The following TCERG1L variants were observed in gnomAD, a reference collection of about 807,000 sequenced individuals.
TCERG1L encodes transcription elongation regulator 1 like.
Under a neutral mutation model 56.3 loss-of-function variants are expected in TCERG1L, and 37 were observed. The observed-to-expected ratio is 0.66, with a 90% CI of 0.51 to 0.87. The LOEUF is 0.87. TCERG1L is among the 40% of genes least tolerant of loss of function. The pLI, the probability that TCERG1L is intolerant of heterozygous loss-of-function variation, is 0.00. For synonymous variants in TCERG1L, 324 were observed against 326.3 expected (o/e 0.99, Z 0.08); for missense variants, 799 against 774.2 (o/e 1.03, Z -0.38).
intron 4 of TCERG1L, among the ~76,000 whole-genome samples, chr10:131,207,933 T>C (rs1166231813): frequency 1.3e-5 from 2 of 152,068 alleles, no homozygotes; most frequent in Non-Finnish European, 2.9e-5. Flanking sequence ...TCCAGGCGGC[T>C]TCAGGGAGGC....
intron 7 of TCERG1L, among the ~76,000 whole-genome samples, chr10:131,146,228 A>G (rs750432644): frequency 6.6e-6 from 1 of 152,230 alleles, no homozygotes; most frequent in Non-Finnish European, 1.5e-5. Flanking sequence ...GTGATGCTGG[A>G]TGGAAGCTTT....
intron 7 of TCERG1L, 23 bp from the exon 8 acceptor site, chr10:131,134,471 G>T: frequency 6.4e-7 from 1 of 1,572,298 alleles, no homozygotes; most frequent in Non-Finnish European, 8.6e-7. Flanking sequence ...CAGATGAACA[G>T]GGTTAGAGTT....
intron 4 of TCERG1L, among the ~76,000 whole-genome samples, chr10:131,195,166 G>A (rs1845345261): frequency 6.6e-6 from 1 of 152,188 alleles, no homozygotes; most frequent in Non-Finnish European, 1.5e-5. Flanking sequence ...CTCATACTTT[G>A]ATAAGAAATG....
At chr10:131,173,294 T>A (rs1414222362) in intron 4 of TCERG1L, among the ~76,000 whole-genome samples, 1 of 152,140 alleles carries the variant, frequency 6.6e-6, no homozygotes, top group Non-Finnish European at 1.5e-5. Flanking sequence ...ATTTAACAAC[T>A]GAGAAAAGCA....
At chr10:131,306,389 T>C (rs1381354368) in intron 3 of TCERG1L, among the ~76,000 whole-genome samples, 1 of 151,474 alleles carries the variant, frequency 6.6e-6, no homozygotes, top group East Asian at 1.9e-4. Context: ...ATTAAAATTG[T>C]AGGTGTTATA....
chr10:131,156,371 C>T (rs1193049431), intron 6 of TCERG1L: 6 of 151,970 alleles, frequency 3.9e-5, no homozygotes, highest in Non-Finnish European at 8.8e-5. Context: ...AAAGATGTTA[C>T]CCACGGGTAC....
At chr10:131,172,143 G>A (rs969992635) in intron 4 of TCERG1L, among the ~76,000 whole-genome samples, 2 of 152,186 alleles carry the variant, frequency 1.3e-5, no homozygotes, top group Non-Finnish European at 2.9e-5. Context: ...ATCTGGAAGC[G>A]TGTGGAGTAA....
rs564980044 is a variant in TCERG1L at position 131,204,147 on chromosome 10, G to T, written c.857-37262C>A. Among the ~76,000 whole-genome samples the T allele has an allele frequency of 5.6e-4, 86 of 152,360 alleles. 2 individuals are homozygous for T. The South Asian group carries it at 0.017, about 30-fold the overall frequency. ...GACACAGCAAGGAGGCGCCATCTTGGAAGCCTGGTGGCTTAGCACTGGGCC... is the reference window on the plus strand; with the variant it reads ...GACACAGCAAGGAGGCGCCATCTTGTAAGCCTGGTGGCTTAGCACTGGGCC... On this transcript the variant is annotated intron_variant, in intron 4 of 11. Coordinates refer to ENST00000368642, the MANE Select transcript of TCERG1L (RefSeq NM_174937.4).
intron 10 of TCERG1L, 44 bp downstream of exon 10, chr10:131,104,221 T>A: frequency 7.4e-7 from 1 of 1,350,198 alleles, no homozygotes; most frequent in East Asian, 2.5e-5. Context: ...ACAGTCGCTT[T>A]CATGCCATGT....
intron 3 of TCERG1L, among the ~76,000 whole-genome samples, chr10:131,280,740 G>A (rs1270482186): frequency 6.6e-6 from 1 of 152,054 alleles, no homozygotes; most frequent in Non-Finnish European, 1.5e-5. Context: ...TGTTCTCTGT[G>A]GTTGTGCTTC....
At chr10:131,109,770 C>T (rs1845392413) in intron 9 of TCERG1L, among the ~76,000 whole-genome samples, 1 of 152,176 alleles carries the variant, frequency 6.6e-6, no homozygotes, top group Non-Finnish European at 1.5e-5. Flanking sequence ...CTGGGCACGC[C>T]GGCTGGAGCT....
At chr10:131,227,101 C>A (rs1845798567) in intron 4 of TCERG1L, among the ~76,000 whole-genome samples, 1 of 152,224 alleles carries the variant, frequency 6.6e-6, no homozygotes, top group South Asian at 2.1e-4. Flanking sequence ...GAGAGCGGCA[C>A]CCCATTCAGA....
chr10:131,267,279 G>A lies in TCERG1L; in HGVS notation c.671-6835C>T, dbSNP rs557404601. Among the ~76,000 whole-genome samples, 1 of 152,294 alleles carries A rather than the reference G, an allele frequency of 6.6e-6. No homozygotes were observed. Among genetic ancestry groups the A allele is most frequent in the Non-Finnish European group, 1.5e-5 (1 of 68,024 alleles). Reference sequence around the variant, plus strand: ...GCCCTGAGTGTGCACACACCTGGCTGGACTGCAACAGCACCCAGGCTTGGC... The same window carrying A: ...GCCCTGAGTGTGCACACACCTGGCTAGACTGCAACAGCACCCAGGCTTGGC... On this transcript the variant is annotated intron_variant, in intron 3 of 11. Coordinates refer to ENST00000368642, the MANE Select transcript of TCERG1L (RefSeq NM_174937.4). This position sits in a 1 kb window ranked among gnomAD's most constrained non-coding sequence, Gnocchi z 4.9.
intron 4 of TCERG1L, among the ~76,000 whole-genome samples, chr10:131,177,944 T>C (rs1845125490): frequency 6.6e-6 from 1 of 151,848 alleles, no homozygotes; most frequent in South Asian, 2.1e-4. Flanking sequence ...GTTTCAAGTC[T>C]GTTTCCACTT....
intron 9 of TCERG1L, among the ~76,000 whole-genome samples, chr10:131,107,137 C>A (rs959047501): frequency 1.3e-5 from 2 of 152,080 alleles, no homozygotes; most frequent in Non-Finnish European, 1.5e-5. Context: ...GACTAGTGCA[C>A]CTGCCCCCGG....
At chr10:131,170,515 G>A (rs1219433279) in intron 4 of TCERG1L, among the ~76,000 whole-genome samples, 1 of 151,856 alleles carries the variant, frequency 6.6e-6, no homozygotes, top group African/African-American at 2.4e-5. Context: ...GATGTGAAGT[G>A]CTCCCCAGCT....
At chr10:131,115,628 C>T (rs962030259) in intron 9 of TCERG1L, among the ~76,000 whole-genome samples, 1 of 131,714 alleles carries the variant, frequency 7.6e-6, no homozygotes, top group Non-Finnish European at 1.7e-5. Flanking sequence ...TTCCCTGAGG[C>T]CCAGGGCTGT....
At chr10:131,211,426 C>A (rs916609711) in intron 4 of TCERG1L, among the ~76,000 whole-genome samples, 7 of 152,310 alleles carry the variant, frequency 4.6e-5, no homozygotes, top group Admixed American at 2.0e-4. Flanking sequence ...ACTACAACCC[C>A]TTTCCCGGTG....
intron 4 of TCERG1L, among the ~76,000 whole-genome samples, chr10:131,190,110 G>A (rs11595842): frequency 0.097 from 14,771 of 152,090 alleles, 974 homozygotes; most frequent in Middle Eastern, 0.14. Flanking sequence ...TGACACCAGA[G>A]AAATAAAAAA....
Sources: gnomAD v4.1 joint callset for allele counts (sites outside exome capture counted in the v4.1 genomes callset) on GRCh38, gnomAD v4.1.1 for gene constraint, Gnocchi (gnomAD v3.1) non-coding constraint, MANE v1.5 for transcripts, NCBI Gene and HGNC (gene_info 2026-07-23, HGNC 2026-07-21) for gene names.